PICALM: variants seen among roughly 807,000 people sequenced by gnomAD.
PICALM encodes phosphatidylinositol binding clathrin assembly protein.
A neutral mutation model predicts 80.5 loss-of-function variants in PICALM; 40 were observed. The observed-to-expected ratio is 0.50, with a 90% CI of 0.39 to 0.65. PICALM has a LOEUF of 0.65. Ranked by LOEUF, PICALM falls within the 30% of genes least tolerant of loss-of-function variation. PICALM has a pLI of 0.00. For synonymous variants in PICALM, 288 were observed against 260.3 expected (o/e 1.11, Z -1.02); for missense variants, 676 against 778.9 (o/e 0.87, Z 1.57).
At chr11:86,052,412 T>G (rs543453374) in intron 1 of PICALM, among the ~76,000 whole-genome samples, 1 of 152,314 alleles carries the variant, frequency 6.6e-6, no homozygotes, top group Non-Finnish European at 1.5e-5. Flanking sequence ...TTATCAGACT[T>G]TGTGAATCCC....
intron 13 of PICALM, among the ~76,000 whole-genome samples, chr11:85,989,834 A>C (rs1000673278): frequency 1.3e-5 from 2 of 152,078 alleles, no homozygotes; most frequent in African/African-American, 4.8e-5. Context: ...GATAGCTGCT[A>C]AGAGTGATTA....
At chr11:85,975,592 CTTTT>C (rs11407535) in intron 18 of PICALM, among the ~76,000 whole-genome samples, 7 of 89,642 alleles carry the variant, frequency 7.8e-5, no homozygotes, top group Admixed American at 1.7e-4. Flanking sequence ...TCTCAGCAGA[CTTTT>C]TTTTTTTTTT....
rs552719966 is a variant in PICALM at position 85,982,023 on chromosome 11, G to A, written c.1517-20C>T. 3.4e-5 allele frequency: 55 copies of A among 1,609,226 alleles called. No homozygotes were observed. The highest frequency in any genetic ancestry group is 1.8e-4 in the South Asian group (16 of 90,926). Reference sequence around the variant, plus strand: ...CAAAGCCTTAAAGTTACAAACAGACGAAATAGAATTTGTAAGGAACTTTAT... The same window carrying A: ...CAAAGCCTTAAAGTTACAAACAGACAAAATAGAATTTGTAAGGAACTTTAT... On this transcript the variant is annotated intron_variant, in intron 14 of 19. Coordinates refer to ENST00000393346, the MANE Select transcript of PICALM (RefSeq NM_007166.4).
chr11:86,005,138 T>C (rs920833675), intron 8 of PICALM, among the ~76,000 whole-genome samples: 12 of 152,168 alleles, frequency 7.9e-5, no homozygotes, highest in African/African-American at 2.9e-4. Flanking sequence ...AAGTAATCTG[T>C]CCAAGATCAC....
At chr11:86,001,854 G>A (rs1300490144) in intron 9 of PICALM, among the ~76,000 whole-genome samples, 2 of 152,102 alleles carry the variant, frequency 1.3e-5, no homozygotes, top group East Asian at 3.8e-4. Context: ...CTTTCCAAAT[G>A]TTAACTCTAG....
At position 85,990,287 on chromosome 11, in the gene PICALM, A is replaced by G. The variant is rs746082497; in HGVS notation, c.1371T>C (p.Thr457=). Residue 457 remains threonine, a synonymous_variant, in exon 13 of 20, where the codon ACT becomes ACC. Transcript: ENST00000393346. ...VHLSISSDVS[T]FTTRTPTHEM... ...CATGAGTAGGTGTCCTAGTAGTAAA[A>G]GTAGATACATCTGAAGAAATGGAAA... 4 of 1,607,180 alleles carry G rather than the reference A, an allele frequency of 2.5e-6. No individual in the cohort carries two copies. The highest frequency in any genetic ancestry group is 3.4e-6 in the Non-Finnish European group (4 of 1,174,570).
chr11:86,030,384 G>GT (rs2095729398), intron 2 of PICALM, among the ~76,000 whole-genome samples: 1 of 152,176 alleles, frequency 6.6e-6, no homozygotes, highest in Admixed American at 6.5e-5. Context: ...AACACACAAC[G>GT]TGATGGATGT....
At chr11:85,986,912 A>G (rs2094590102) in intron 13 of PICALM, among the ~76,000 whole-genome samples, 1 of 152,232 alleles carries the variant, frequency 6.6e-6, no homozygotes, top group African/African-American at 2.4e-5. Context: ...AAACTTTCTC[A>G]CTAACCAGCA....
At chr11:86,045,519 CAAAAAAAAAAAAAA>C (rs71040207) in intron 1 of PICALM, among the ~76,000 whole-genome samples, 6 of 47,770 alleles carry the variant, frequency 1.3e-4, no homozygotes, top group Non-Finnish European at 2.2e-4. Flanking sequence ...TCTTGAAATT[CAAAAAAAAAAAAAA>C]AAAAAAAAAA....
At chr11:86,041,591 T>C (rs2095970313) in intron 1 of PICALM, among the ~76,000 whole-genome samples, 1 of 152,194 alleles carries the variant, frequency 6.6e-6, no homozygotes, top group African/African-American at 2.4e-5. Flanking sequence ...ACTCCTAAGA[T>C]ACTATATATT....
At chr11:85,983,123 A>G (rs1237119844) in intron 14 of PICALM, among the ~76,000 whole-genome samples, 1 of 152,188 alleles carries the variant, frequency 6.6e-6, no homozygotes, top group Middle Eastern at 3.2e-3. Context: ...CTTGCTTCTT[A>G]GTTTTTGAAG....
At chr11:86,024,862 C>T (rs1227923281) in intron 3 of PICALM, among the ~76,000 whole-genome samples, 1 of 152,094 alleles carries the variant, frequency 6.6e-6, no homozygotes, top group Non-Finnish European at 1.5e-5. Flanking sequence ...TGTGCTTAAG[C>T]CAACTCATCT....
At position 85,990,106 on chromosome 11, in the gene PICALM, C is replaced by A. The variant is rs2094716616; in HGVS notation, c.1408+144G>T. ...TACCAGTGTCAATTTAAAAACCTCA[C>A]TACATTATGGCTGGTTAGTTTTAGA... On this transcript the variant is annotated intron_variant, in intron 13 of 19. Coordinates refer to ENST00000393346, the MANE Select transcript of PICALM (RefSeq NM_007166.4). 1.1e-5 allele frequency: 4 copies of A among 360,070 alleles called. No individual in the cohort carries two copies. The East Asian group carries it at 1.8e-4, about 16-fold the overall frequency. The allele number at this position is 360,070 out of a possible 1,614,324, so 22.3% of individuals were successfully genotyped here. A position where few individuals can be genotyped will look rare whatever the true frequency, so the allele number is the denominator to read the frequency against.
intron 9 of PICALM, among the ~76,000 whole-genome samples, chr11:86,001,506 A>C (rs2095143708): frequency 6.6e-6 from 1 of 152,206 alleles, no homozygotes; most frequent in Non-Finnish European, 1.5e-5. Flanking sequence ...CCTGATGGGA[A>C]AAAGTGTTGA....
chr11:86,008,803 G>T (rs2095329228), intron 7 of PICALM, among the ~76,000 whole-genome samples: 1 of 151,752 alleles, frequency 6.6e-6, no homozygotes, highest in African/African-American at 2.4e-5. Context: ...TAAGGTAAGG[G>T]ACTCTGGCCG....
chr11:86,044,119 T>G lies in PICALM; in HGVS notation c.131-12508A>C, dbSNP rs568721184. On this transcript the variant is annotated intron_variant, in intron 1 of 19. Transcript: ENST00000393346. ...GACAAAGTTTCTATTATCACGGAGC[T>G]TATATACTAATGGGAGGAATGTAAT... Among the ~76,000 whole-genome samples the G allele has an allele frequency of 7.9e-5, 12 of 152,352 alleles. No homozygotes were observed. The East Asian group carries it at 2.1e-3, about 27-fold the overall frequency.
chr11:86,065,283 T>C lies in PICALM; in HGVS notation c.130+3368A>G, dbSNP rs530975663. 6.2e-4 allele frequency among the ~76,000 whole-genome samples: 94 copies of C among 152,042 alleles called. 1 individual carries two copies. Among genetic ancestry groups the C allele is most frequent in the East Asian group, 7.7e-4 (4 of 5,180 alleles). ...CAACATGGTGAAACCCCATCTCTAC[T>C]AAAAATACAAAAATTAGCTGGGTGT... On this transcript the variant is annotated intron_variant, in intron 1 of 19. Transcript: ENST00000393346.
chr11:85,959,381 A>G (rs2093611340), intron 19 of PICALM, among the ~76,000 whole-genome samples: 1 of 151,984 alleles, frequency 6.6e-6, no homozygotes, highest in Non-Finnish European at 1.5e-5. Context: ...TAATCCCAGC[A>G]CTCTGGGAGG....
At chr11:86,032,936 A>C (rs1053072318) in intron 1 of PICALM, among the ~76,000 whole-genome samples, 3 of 152,232 alleles carry the variant, frequency 2.0e-5, no homozygotes, top group African/African-American at 7.2e-5. Flanking sequence ...ATATCTGATA[A>C]ACACATGCAT....
Sources: allele counts gnomAD v4.1 joint callset (sites outside exome capture counted in the v4.1 genomes callset), GRCh38; gene constraint gnomAD v4.1.1; transcripts MANE v1.5; gene names NCBI Gene and HGNC (gene_info 2026-07-23, HGNC 2026-07-21).